Variants in NT5C2 observed in about 807,000 individuals in gnomAD.
NT5C2 encodes 5'-nucleotidase, cytosolic II, also known as cytosolic purine 5'-nucleotidase.
In NT5C2, 58 loss-of-function variants were observed where a neutral mutation model predicts 76.1. The observed-to-expected ratio is 0.76, with a 90% CI of 0.62 to 0.95. NT5C2 has a LOEUF of 0.95. Among genes scored for constraint, NT5C2 ranks in the 40% least tolerant of loss-of-function variants. The pLI, the probability that NT5C2 is intolerant of heterozygous loss-of-function variation, is 0.00. For synonymous variants in NT5C2, 229 were observed against 237.4 expected, an observed-to-expected ratio of 0.96 and a Z score of 0.32; for missense variants, 478 against 690.3, an observed-to-expected ratio of 0.69 and a Z score of 3.45.
chr10:103,101,497 T>C (rs2069640654), intron 6 of NT5C2, among the ~76,000 whole-genome samples, 171 bp from the exon 7 acceptor site: 1 of 148,198 alleles, frequency 6.7e-6, no homozygotes, highest in Non-Finnish European at 1.5e-5. Context: ...TCCAGCTCTT[T>C]ATTTTTTTTA....
rs1402679666 is a variant in NT5C2, at chr10:103,174,950, G to A, written c.9C>T (p.Thr3=). The A allele has an allele frequency of 6.2e-7, 1 of 1,604,246 alleles. No individual in the cohort carries two copies. The highest frequency in any genetic ancestry group is 8.5e-7 in the Non-Finnish European group (1 of 1,171,386). MS[T]SWSDRLQNAA... ...CATTCTGTAACCGATCACTCCAGGA[G>A]GTTGACATTTTATTTTAACTGTATT... The change falls in exon 3 of 19, where the codon ACC becomes ACT. Residue 3 remains threonine, a synonymous_variant. Transcript: ENST00000404739.
intron 3 of NT5C2, among the ~76,000 whole-genome samples, chr10:103,160,998 G>C (rs1275554217): frequency 6.6e-6 from 1 of 151,980 alleles, no homozygotes; most frequent in African/African-American, 2.4e-5. Context: ...GCGACAGCAA[G>C]ACTCCATCTC....
chr10:103,160,543 C>T (rs1441680218), intron 3 of NT5C2, among the ~76,000 whole-genome samples: 2 of 152,092 alleles, frequency 1.3e-5, no homozygotes, highest in Non-Finnish European at 1.5e-5. Flanking sequence ...AGAACTTTTA[C>T]AACTCCACAA....
intron 1 of NT5C2, among the ~76,000 whole-genome samples, chr10:103,185,153 T>C (rs1352237534): frequency 6.6e-6 from 1 of 152,130 alleles, no homozygotes; most frequent in Non-Finnish European, 1.5e-5. Context: ...AACAATAACA[T>C]GGTTATTGAC....
chr10:103,119,002 TA>T (rs2075066112), intron 4 of NT5C2, among the ~76,000 whole-genome samples: 1 of 152,182 alleles, frequency 6.6e-6, no homozygotes, highest in Non-Finnish European at 1.5e-5. Context: ...TAAGTCAAAC[TA>T]CATCTATTTT....
chr10:103,191,793 A>G (rs1185177968), intron 1 of NT5C2, among the ~76,000 whole-genome samples: 2 of 152,110 alleles, frequency 1.3e-5, no homozygotes, highest in Non-Finnish European at 2.9e-5. Flanking sequence ...TTCTGGGTCA[A>G]TGAGAGTAAT....
At chr10:103,134,447 G>C (rs895809265) in intron 4 of NT5C2, among the ~76,000 whole-genome samples, 1 of 152,242 alleles carries the variant, frequency 6.6e-6, no homozygotes. Flanking sequence ...CTTCCATGTG[G>C]TGTTGAGCCT....
At chr10:103,094,121 C>G in intron 13 of NT5C2, 83 bp from the exon 14 acceptor site, 2 of 1,079,892 alleles carry the variant, frequency 1.9e-6, no homozygotes, top group South Asian at 1.3e-5. Flanking sequence ...CATCCCACCC[C>G]CCACCACCAG....
chr10:103,131,192 G>C (rs1327903190), intron 4 of NT5C2, among the ~76,000 whole-genome samples: 2 of 152,114 alleles, frequency 1.3e-5, no homozygotes, highest in South Asian at 2.1e-4. Context: ...TCAATCCTAG[G>C]ATCACTGTAT....
intron 4 of NT5C2, among the ~76,000 whole-genome samples, chr10:103,114,461 TAAAC>T (rs1316177732): frequency 1.3e-5 from 2 of 152,126 alleles, no homozygotes; most frequent in African/African-American, 4.8e-5. Flanking sequence ...CCCAATTAAA[TAAAC>T]AAAAACTCTT....
rs769157974 is a variant in NT5C2, at chr10:103,090,925, C to T, written c.1272+11G>A. 1 of 1,612,154 alleles carries T rather than the reference C, an allele frequency of 6.2e-7. No homozygotes were observed. The highest frequency in any genetic ancestry group is 8.5e-7 in the Non-Finnish European group (1 of 1,178,368). Reference sequence around the variant, plus strand: ...ATTTCCCAAGTTTTCTCCCAAATCCCATTTGGATACCTTAATACGTCTCTG... The same window carrying T: ...ATTTCCCAAGTTTTCTCCCAAATCCTATTTGGATACCTTAATACGTCTCTG... On this transcript the variant is annotated intron_variant, in intron 17 of 18. Coordinates refer to ENST00000404739, the MANE Select transcript of NT5C2 (RefSeq NM_001351169.2).
intron 3 of NT5C2, among the ~76,000 whole-genome samples, chr10:103,155,635 G>C (rs2083212882): frequency 6.6e-6 from 1 of 152,158 alleles, no homozygotes; most frequent in African/African-American, 2.4e-5. Flanking sequence ...GCTGCAGTGA[G>C]CCATGATCAC....
intron 1 of NT5C2, among the ~76,000 whole-genome samples, chr10:103,193,009 G>A (rs1223696694): frequency 6.6e-6 from 1 of 151,946 alleles, no homozygotes; most frequent in Non-Finnish European, 1.5e-5. Flanking sequence ...GGCTGCCGTG[G>A]GGCGGGGGCC....
At chr10:103,175,719 G>T in intron 2 of NT5C2, 1 of 264,700 alleles carries the variant, frequency 3.8e-6, no homozygotes, top group Non-Finnish European at 7.1e-6. Flanking sequence ...GAACACATGA[G>T]GCAGCCGGGG....
At chr10:103,133,007 T>C (rs1346435840) in intron 4 of NT5C2, among the ~76,000 whole-genome samples, 1 of 152,258 alleles carries the variant, frequency 6.6e-6, no homozygotes, top group Non-Finnish European at 1.5e-5. Context: ...GCCTTGGCTA[T>C]GTCCCCACCC....
chr10:103,163,388 T>C (rs2085426078), intron 3 of NT5C2, among the ~76,000 whole-genome samples: 1 of 152,206 alleles, frequency 6.6e-6, no homozygotes, highest in Admixed American at 6.5e-5. Flanking sequence ...ACCCTCTCTG[T>C]TCACGAGCAA....
intron 3 of NT5C2, among the ~76,000 whole-genome samples, chr10:103,157,445 T>C (rs2083668971): frequency 1.3e-5 from 2 of 152,136 alleles, no homozygotes; most frequent in Admixed American, 1.3e-4. Context: ...GCTTTCACTG[T>C]GGAACAAGAG....
chr10:103,167,590 T>G (rs887033870), intron 3 of NT5C2, among the ~76,000 whole-genome samples: 1 of 152,214 alleles, frequency 6.6e-6, no homozygotes, highest in Admixed American at 6.5e-5. Context: ...CTGATACCTG[T>G]TTTTAGTATG....
In NT5C2 at chr10:103,185,588, C is replaced by T. The variant is rs776418807; in HGVS notation, c.-168-4260G>A. ...GCTTGAGCCGGGAAGGCAGAGATTGCGTGAGCCAAGATCGCACCACTGCAC... is the reference window on the plus strand; with the variant it reads ...GCTTGAGCCGGGAAGGCAGAGATTGTGTGAGCCAAGATCGCACCACTGCAC... On this transcript the variant is annotated intron_variant, in intron 1 of 18. Transcript: ENST00000404739. 2.1e-4 allele frequency among the ~76,000 whole-genome samples: 31 copies of T among 144,768 alleles called. 1 individual carries two copies. Among genetic ancestry groups the T allele is most frequent in the African/African-American group, 7.5e-4 (29 of 38,840 alleles). The allele number at this position is 144,768 out of a possible 152,430, so 95.0% of individuals were successfully genotyped here.
Sources: gnomAD v4.1 joint callset for allele counts (sites outside exome capture counted in the v4.1 genomes callset) on GRCh38, gnomAD v4.1.1 for gene constraint, MANE v1.5 for transcripts, NCBI Gene and HGNC (gene_info 2026-07-23, HGNC 2026-07-21) for gene names.